PRKN: variants seen among roughly 807,000 people sequenced by gnomAD.
PRKN encodes E3 ubiquitin-protein ligase parkin.
A neutral mutation model predicts 59.5 loss-of-function variants in PRKN; 56 were observed. That is an observed-to-expected ratio of 0.94 (90% confidence interval 0.76 to 1.18). The LOEUF (loss-of-function observed/expected upper bound fraction) is 1.18, where lower values mean the gene tolerates loss of function less well. PRKN is among the 50% of genes most tolerant of loss of function. The pLI is 0.00. For missense variants in PRKN, 657 were observed against 596.4 expected (o/e 1.10, Z -1.06); for synonymous variants, 250 against 222.1 (o/e 1.13, Z -1.12).
chr6:162,531,194 C>T (rs1475378039), intron 1 of PRKN, among the ~76,000 whole-genome samples: 1 of 151,852 alleles, frequency 6.6e-6, no homozygotes, highest in Non-Finnish European at 1.5e-5. Context: ...CCCATCTCTA[C>T]TAAACATACA....
chr6:162,522,550 A>G (rs539723835), intron 1 of PRKN, among the ~76,000 whole-genome samples: 113 of 152,348 alleles, frequency 7.4e-4, no homozygotes, highest in African/African-American at 2.6e-3. Context: ...GTTTCTAATA[A>G]AGTGAGCAAG....
chr6:162,179,076 C>A (rs1277762297), intron 4 of PRKN, among the ~76,000 whole-genome samples: 2 of 152,102 alleles, frequency 1.3e-5, no homozygotes, highest in African/African-American at 4.8e-5. Flanking sequence ...GAGACGGAGT[C>A]TCACTATTTC....
In PRKN at chr6:162,584,222, A is replaced by AC. The variant is rs549821271; in HGVS notation, c.8-140750_8-140749insG. ...AGTGAGACTCCGTCTCAAAAAAAAA[A>AC]AACAAAAAACAAAAAACAAAAAACA... On this transcript the variant is annotated intron_variant, in intron 1 of 11. Transcript: ENST00000366898. Among the ~76,000 whole-genome samples the AC allele has an allele frequency of 5.6e-3, 436 of 77,830 alleles. 1 individual carries two copies. The highest frequency in any genetic ancestry group is 0.013 in the Admixed American group (94 of 7,492). 51.1% of individuals were successfully genotyped at this position (77,830 alleles called of 152,430 possible).
intron 1 of PRKN, among the ~76,000 whole-genome samples, chr6:162,627,908 G>A (rs1258866130): frequency 2.6e-5 from 4 of 152,030 alleles, no homozygotes; most frequent in Non-Finnish European, 5.9e-5. Context: ...AGCAGTAAAA[G>A]AAAGAACAGG....
intron 6 of PRKN, among the ~76,000 whole-genome samples, chr6:161,832,802 T>C (rs974036411): frequency 9.2e-5 from 14 of 151,920 alleles, no homozygotes; most frequent in Admixed American, 6.6e-4. Context: ...GGAGAAAGCT[T>C]TGTGGCGGCG....
At chr6:162,703,111 C>T (rs1778216755) in intron 1 of PRKN, among the ~76,000 whole-genome samples, 2 of 152,172 alleles carry the variant, frequency 1.3e-5, no homozygotes, top group African/African-American at 4.8e-5. Context: ...GAACATTTAA[C>T]CTTTTAATAG....
intron 6 of PRKN, among the ~76,000 whole-genome samples, chr6:161,815,227 T>C (rs371857855): frequency 6.3e-4 from 96 of 152,330 alleles, no homozygotes; most frequent in African/African-American, 2.0e-3. Context: ...GACTCAATTT[T>C]CATATGTATA....
intron 10 of PRKN, among the ~76,000 whole-genome samples, chr6:161,375,095 G>T (rs1785637128): frequency 6.6e-6 from 1 of 151,506 alleles, no homozygotes; most frequent in African/African-American, 2.4e-5. Flanking sequence ...GGACCCGCAG[G>T]CCGTGACCCC....
At chr6:162,576,620 T>A (rs1282052478) in intron 1 of PRKN, among the ~76,000 whole-genome samples, 1 of 152,134 alleles carries the variant, frequency 6.6e-6, no homozygotes, top group African/African-American at 2.4e-5. Flanking sequence ...GAGACCAGCC[T>A]GACCAACATG....
In PRKN at chr6:162,569,701, C is replaced by T. The variant is rs529558776; in HGVS notation, c.8-126228G>A. The T allele has an allele frequency of 2.7e-4, 164 of 599,550 alleles. 1 individual carries two copies. Among genetic ancestry groups the T allele is most frequent in the African/African-American group, 2.0e-3 (106 of 54,226 alleles). The allele number at this position is 599,550 out of a possible 1,614,324, so 37.1% of individuals were successfully genotyped here. On this transcript the variant is annotated intron_variant, in intron 1 of 11. Coordinates refer to ENST00000366898, the MANE Select transcript of PRKN (RefSeq NM_004562.3). ...AGACCTGCGATGGGAAGCTGGTATC[C>T]GAGTCCTCTGATGTCCTTCCTAAGT...
rs1393902667 is a variant in PRKN at position 161,461,928 on chromosome 6, G to C, written c.1084-75051C>G. Among the ~76,000 whole-genome samples the C allele has an allele frequency of 6.6e-6, 1 of 152,150 alleles. No individual in the cohort carries two copies. The highest frequency in any genetic ancestry group is 1.9e-4 in the East Asian group (1 of 5,178). ...GAGGGAGGGCTTGGCTTGAAGAGAG[G>C]ACCAAGGATGGTCACCTTGAAAATA... On this transcript the variant is annotated intron_variant, in intron 9 of 11. Coordinates refer to ENST00000366898, the MANE Select transcript of PRKN (RefSeq NM_004562.3). This position sits in a 1 kb window ranked among gnomAD's most constrained non-coding sequence, Gnocchi z 5.1.
Position 161,545,579 on chromosome 6 carries a change from G to C in PRKN, c.1083+3275C>G, listed in dbSNP as rs774848498. The C allele has an allele frequency of 4.3e-5, 29 of 675,690 alleles. No homozygotes were observed. Among genetic ancestry groups the C allele is most frequent in the African/African-American group, 7.2e-5 (4 of 55,512 alleles). 41.9% of individuals were successfully genotyped at this position (675,690 alleles called of 1,614,324 possible). ...CATTACACTCCTTAAACCCAGAAAA[G>C]ATGGGCAGCTTACAAGGTTATACAA... On this transcript the variant is annotated intron_variant, in intron 9 of 11. Transcript: ENST00000366898. This position sits in a 1 kb window ranked among gnomAD's most constrained non-coding sequence, Gnocchi z 4.1.
chr6:162,346,684 A>C (rs891515356), intron 2 of PRKN, among the ~76,000 whole-genome samples: 5 of 152,156 alleles, frequency 3.3e-5, no homozygotes, highest in Non-Finnish European at 7.3e-5. Flanking sequence ...TACGTTTTTA[A>C]CCATGACTGC....
chr6:162,457,737 T>C (rs938530824), intron 1 of PRKN, among the ~76,000 whole-genome samples: 4 of 148,000 alleles, frequency 2.7e-5, no homozygotes, highest in African/African-American at 9.8e-5. Flanking sequence ...TTATTAATAA[T>C]GATGAAGTAT....
chr6:161,516,393 G>T (rs374407335), intron 9 of PRKN, among the ~76,000 whole-genome samples: 8 of 145,502 alleles, frequency 5.5e-5, no homozygotes, highest in African/African-American at 2.0e-4. Context: ...ATTGAACCCA[G>T]GAGACAGAGG....
intron 6 of PRKN, among the ~76,000 whole-genome samples, chr6:161,942,944 G>A (rs1435657063): frequency 6.6e-6 from 1 of 152,168 alleles, no homozygotes; most frequent in Non-Finnish European, 1.5e-5. Flanking sequence ...TAGGGAAGAT[G>A]GTTTTCTTCT....
At chr6:161,495,737 C>T (rs1001173562) in intron 9 of PRKN, among the ~76,000 whole-genome samples, 1 of 152,214 alleles carries the variant, frequency 6.6e-6, no homozygotes, top group African/African-American at 2.4e-5. Flanking sequence ...TTTGTTCACA[C>T]AACTATTGTT....
chr6:162,641,488 G>A (rs1777956878), intron 1 of PRKN, among the ~76,000 whole-genome samples: 1 of 151,898 alleles, frequency 6.6e-6, no homozygotes, highest in Non-Finnish European at 1.5e-5. Context: ...TAATCAACGT[G>A]GCAAACAGAA....
chr6:162,054,151 A>G lies in PRKN; in HGVS notation c.558T>C (p.Val186=). 1 of 1,613,398 alleles carries G rather than the reference A, an allele frequency of 6.2e-7. No homozygotes were observed. The highest frequency in any genetic ancestry group is 1.1e-5 in the South Asian group (1 of 91,078). Residue 186 remains valine (V), a synonymous_variant, in exon 5 of 12, where the codon GTT becomes GTC. Coordinates refer to ENST00000366898, the MANE Select transcript of PRKN (RefSeq NM_004562.3). ...LTQGPSCWDD[V]LIPNRMSGEC... ...CACCACTCATCCGGTTTGGAATTAA[A>G]ACATCATCCCAGCAAGATGGACCCT... is the stretch of plus-strand genomic sequence containing the variant.
Sources: gnomAD v4.1 joint callset for allele counts (sites outside exome capture counted in the v4.1 genomes callset) on GRCh38, gnomAD v4.1.1 for gene constraint, Gnocchi (gnomAD v3.1) non-coding constraint, MANE v1.5 for transcripts, NCBI Gene and HGNC (gene_info 2026-07-23, HGNC 2026-07-21) for gene names.